Variants in CNBD1 observed in about 807,000 individuals in gnomAD.
CNBD1 encodes cyclic nucleotide-binding domain-containing protein 1.
A neutral mutation model predicts 54.4 loss-of-function variants in CNBD1; 71 were observed. The ratio of observed to expected loss-of-function variants is 1.30; its 90% CI spans 1.08 to 1.59. The LOEUF (loss-of-function observed/expected upper bound fraction) is 1.59, where lower values mean the gene tolerates loss of function less well. CNBD1 is among the 40% of genes most tolerant of loss of function. The pLI, the probability that CNBD1 is intolerant of heterozygous loss-of-function variation, is 0.00. For missense variants in CNBD1, 659 were observed against 518.0 expected, an observed-to-expected ratio of 1.27 and a Z score of -2.64; for synonymous variants, 182 against 170.7, an observed-to-expected ratio of 1.07 and a Z score of -0.51.
At chr8:87,227,402 C>T (rs1362136806) in intron 5 of CNBD1, among the ~76,000 whole-genome samples, 49 of 148,638 alleles carry the variant, frequency 3.3e-4, no homozygotes, top group Non-Finnish European at 5.2e-4. Flanking sequence ...CCATGTTTAG[C>T]GCTTCCTTCA....
intron 4 of CNBD1, among the ~76,000 whole-genome samples, chr8:87,130,868 C>A (rs11786000): frequency 0.53 from 79,750 of 151,514 alleles, 22,759 homozygotes; most frequent in African/African-American, 0.77. Flanking sequence ...TAATTTTGTC[C>A]ATTTTTTTGT....
At chr8:87,116,282 G>C (rs1034883245) in intron 4 of CNBD1, among the ~76,000 whole-genome samples, 1 of 133,036 alleles carries the variant, frequency 7.5e-6, no homozygotes, top group Admixed American at 8.8e-5. Context: ...ACTCACTACA[G>C]CCTCAAGATC....
intron 4 of CNBD1, among the ~76,000 whole-genome samples, chr8:87,197,164 A>C (rs938653412): frequency 1.3e-5 from 2 of 152,172 alleles, no homozygotes; most frequent in Non-Finnish European, 2.9e-5. Flanking sequence ...TTTATGAAAC[A>C]CCTCTCAATG....
intron 4 of CNBD1, among the ~76,000 whole-genome samples, chr8:87,029,434 T>A (rs1424046125): frequency 2.0e-5 from 3 of 152,108 alleles, no homozygotes; most frequent in Non-Finnish European, 4.4e-5. Flanking sequence ...AATTTTTGGG[T>A]GGTTATCATT....
At chr8:87,352,925 C>A (rs1357545532) in intron 9 of CNBD1, among the ~76,000 whole-genome samples, 2 of 152,104 alleles carry the variant, frequency 1.3e-5, no homozygotes, top group Non-Finnish European at 2.9e-5. Flanking sequence ...AATGCTTTAG[C>A]CTCTTCCAAG....
At chr8:86,874,600 A>G (rs1015178119) in intron 1 of CNBD1, among the ~76,000 whole-genome samples, 3 of 152,146 alleles carry the variant, frequency 2.0e-5, no homozygotes, top group Admixed American at 6.5e-5. Flanking sequence ...AATTAAATAC[A>G]TTGACCGTTC....
chr8:87,198,902 G>C (rs1813781233), intron 4 of CNBD1, among the ~76,000 whole-genome samples: 1 of 152,188 alleles, frequency 6.6e-6, no homozygotes, highest in Non-Finnish European at 1.5e-5. Context: ...AGGAAGCCTG[G>C]TGCGGGCATC....
chr8:87,087,971 A>G (rs1811135702), intron 4 of CNBD1, among the ~76,000 whole-genome samples: 1 of 152,158 alleles, frequency 6.6e-6, no homozygotes, highest in South Asian at 2.1e-4. Flanking sequence ...ATTACTCCAT[A>G]TTTATTTTGA....
intron 8 of CNBD1, among the ~76,000 whole-genome samples, chr8:87,315,547 C>G (rs1239644084): frequency 2.0e-5 from 3 of 151,774 alleles, no homozygotes; most frequent in African/African-American, 7.3e-5. Flanking sequence ...TAGGAAGGTG[C>G]CAGGCTCATG....
intron 4 of CNBD1, among the ~76,000 whole-genome samples, chr8:86,968,781 A>G (rs1260182971): frequency 2.2e-4 from 33 of 152,188 alleles, no homozygotes; most frequent in Admixed American, 2.1e-3. Flanking sequence ...GGCTTAGTGA[A>G]TCTGCATTTT....
chr8:87,356,504 GTTAAAC>G (rs1810423272), intron 10 of CNBD1, among the ~76,000 whole-genome samples: 1 of 152,266 alleles, frequency 6.6e-6, no homozygotes, highest in Admixed American at 6.5e-5. Flanking sequence ...TTTGTGGAAA[GTTAAAC>G]TTAAGAGTGG....
chr8:86,886,701 T>G lies in CNBD1; in HGVS notation c.89-841T>G, dbSNP rs141996730. On this transcript the variant is annotated intron_variant, in intron 1 of 10. Coordinates refer to ENST00000518476, the MANE Select transcript of CNBD1 (RefSeq NM_173538.3). The stretch of plus-strand genomic sequence containing the variant: ...TCATAATTAGAATGTGGTCAATGAA[T>G]GCACTTTTTAACGTTTGAGAAATAC... 8.2e-3 allele frequency among the ~76,000 whole-genome samples: 1,253 copies of G among 152,322 alleles called. 9 individuals carry two copies. Among genetic ancestry groups the G allele is most frequent in the African/African-American group, 0.023 (975 of 41,568 alleles).
At chr8:86,955,914 A>G (rs1807754838) in intron 4 of CNBD1, among the ~76,000 whole-genome samples, 1 of 152,108 alleles carries the variant, frequency 6.6e-6, no homozygotes. Context: ...CCATGCCTAT[A>G]TCCTGAATGG....
chr8:86,949,227 A>C (rs753979536), intron 4 of CNBD1, among the ~76,000 whole-genome samples: 1 of 152,180 alleles, frequency 6.6e-6, no homozygotes, highest in African/African-American at 2.4e-5. Context: ...AACTTCAGCT[A>C]TGCAGGATCT....
At chr8:87,045,923 C>T (rs1485004923) in intron 4 of CNBD1, among the ~76,000 whole-genome samples, 1 of 151,380 alleles carries the variant, frequency 6.6e-6, no homozygotes, top group Non-Finnish European at 1.5e-5. Context: ...CGCCTGTAGT[C>T]CCAGCTATTC....
intron 2 of CNBD1, among the ~76,000 whole-genome samples, chr8:86,888,338 A>G (rs1808711086): frequency 6.6e-6 from 1 of 152,026 alleles, no homozygotes; most frequent in African/African-American, 2.4e-5. Context: ...CAACTTTGAT[A>G]TTGCTTGGAT....
chr8:87,030,845 C>G (rs1374348742), intron 4 of CNBD1, among the ~76,000 whole-genome samples: 2 of 110,298 alleles, frequency 1.8e-5, no homozygotes, highest in African/African-American at 7.8e-5. Flanking sequence ...TCCCCCCTCC[C>G]CTCTCCTCCC....
chr8:87,299,445 A>T (rs1025889646), intron 8 of CNBD1, among the ~76,000 whole-genome samples: 3 of 152,236 alleles, frequency 2.0e-5, no homozygotes, highest in African/African-American at 7.2e-5. Flanking sequence ...ACATATGGTT[A>T]AAAAGCTCCT....
chr8:87,003,957 T>C (rs971369640), intron 4 of CNBD1, among the ~76,000 whole-genome samples: 4 of 152,128 alleles, frequency 2.6e-5, no homozygotes, highest in Non-Finnish European at 5.9e-5. Flanking sequence ...AGAAGTCTGC[T>C]GACAGCAAGA....
Sources: gnomAD v4.1 joint callset for allele counts (sites outside exome capture counted in the v4.1 genomes callset) on GRCh38, gnomAD v4.1.1 for gene constraint, MANE v1.5 for transcripts, NCBI Gene and HGNC (gene_info 2026-07-23, HGNC 2026-07-21) for gene names.